FAT3: variants seen among roughly 807,000 people sequenced by gnomAD.
FAT3 encodes the protein FAT atypical cadherin 3, also known as protocadherin Fat 3.
A neutral mutation model predicts 310.2 loss-of-function variants in FAT3; 95 were observed. The ratio of observed to expected loss-of-function variants is 0.31; its 90% CI spans 0.26 to 0.36. The LOEUF is 0.36. FAT3 is among the 10% of genes least tolerant of loss of function. FAT3 has a pLI of 1.00. For missense variants in FAT3, 5,408 were observed against 5,715.6 expected, an observed-to-expected ratio of 0.95 and a Z score of 1.74; for synonymous variants, 2,314 against 2,192.9, an observed-to-expected ratio of 1.06 and a Z score of -1.54.
intron 3 of FAT3, among the ~76,000 whole-genome samples, chr11:92,681,764 T>C (rs554477572): frequency 1.6e-4 from 24 of 152,292 alleles, no homozygotes; most frequent in African/African-American, 5.8e-4. Flanking sequence ...GGATTGCTCC[T>C]ATAAGAGCTC....
chr11:92,677,869 T>G (rs1424764594), intron 3 of FAT3, among the ~76,000 whole-genome samples: 1 of 151,770 alleles, frequency 6.6e-6, no homozygotes, highest in Non-Finnish European at 1.5e-5. Flanking sequence ...ACAGTGGGAG[T>G]GGGCTCCAGC....
intron 19 of FAT3, among the ~76,000 whole-genome samples, chr11:92,852,098 T>C (rs1168276043): frequency 6.6e-6 from 1 of 152,198 alleles, no homozygotes; most frequent in Non-Finnish European, 1.5e-5. Flanking sequence ...AAGTGTTTCC[T>C]GGACCCAGAC....
At chr11:92,497,824 G>A (rs367774969) in intron 2 of FAT3, among the ~76,000 whole-genome samples, 9 of 152,118 alleles carry the variant, frequency 5.9e-5, no homozygotes, top group African/African-American at 2.2e-4. Context: ...ATGGAGCCTC[G>A]GATGAGGTGG....
intron 2 of FAT3, among the ~76,000 whole-genome samples, chr11:92,492,275 CCATCCATCCATCCATT>C (rs1423019350): frequency 4.0e-4 from 60 of 151,628 alleles, no homozygotes; most frequent in Admixed American, 7.2e-4. Flanking sequence ...ATCCATCCAT[CCATCCATCCATCCATT>C]CATCCATCCA....
intron 1 of FAT3, among the ~76,000 whole-genome samples, chr11:92,334,617 A>G (rs898787393): frequency 1.3e-5 from 2 of 152,004 alleles, no homozygotes; most frequent in African/African-American, 2.4e-5. Flanking sequence ...AATACTGTCA[A>G]CAAAGAAGTG....
intron 3 of FAT3, among the ~76,000 whole-genome samples, chr11:92,525,619 G>C (rs1192456554): frequency 1.3e-5 from 2 of 152,178 alleles, no homozygotes; most frequent in African/African-American, 4.8e-5. Flanking sequence ...GTTTTTTGCA[G>C]ATCTGAGAGG....
chr11:92,412,734 T>TATACATACAC (rs1555038579), intron 2 of FAT3, among the ~76,000 whole-genome samples: 1 of 11,882 alleles, frequency 8.4e-5, no homozygotes, highest in African/African-American at 1.7e-4. Context: ...TATATATATA[T>TATACATACAC]ATATATATAT....
chr11:92,403,418 T>C (rs1390824637), intron 2 of FAT3: 3 of 152,202 alleles, frequency 2.0e-5, no homozygotes, highest in Non-Finnish European at 4.4e-5. Context: ...CTTTGTAACA[T>C]TGAGAAGGCT....
intron 3 of FAT3, among the ~76,000 whole-genome samples, chr11:92,619,256 C>T (rs1396434433): frequency 6.6e-6 from 1 of 152,080 alleles, no homozygotes; most frequent in Non-Finnish European, 1.5e-5. Flanking sequence ...TTGTTGATAA[C>T]TTTTGCATAT....
At position 92,592,576 on chromosome 11, in the gene FAT3, T is replaced by A. The variant is rs1939492758; in HGVS notation, c.3607+67628T>A. On this transcript the variant is annotated intron_variant, in intron 3 of 27. Transcript: ENST00000525166. ...ACCTCATGATCTGCCTGGCTCGCCC[T>A]CCCAAAGTGCTGGGATTACAGGCGT... 2.0e-5 allele frequency among the ~76,000 whole-genome samples: 3 copies of A among 152,182 alleles called. No homozygotes were observed. In the South Asian group the frequency reaches 6.2e-4, roughly 32 times the overall value.
chr11:92,660,836 A>G (rs1942755397), intron 3 of FAT3, among the ~76,000 whole-genome samples: 1 of 152,180 alleles, frequency 6.6e-6, no homozygotes, highest in African/African-American at 2.4e-5. Flanking sequence ...GTCACTTAGA[A>G]TCTTCTCTAC....
intron 2 of FAT3, among the ~76,000 whole-genome samples, chr11:92,435,199 C>A (rs940062676): frequency 1.2e-4 from 18 of 152,276 alleles, no homozygotes; most frequent in African/African-American, 4.3e-4. Flanking sequence ...TCAGATGTTG[C>A]TCATAGACAA....
chr11:92,810,921 A>G (rs905554385), intron 13 of FAT3, among the ~76,000 whole-genome samples: 7 of 152,226 alleles, frequency 4.6e-5, no homozygotes, highest in African/African-American at 1.7e-4. Context: ...AGACCTTTAT[A>G]TAATTCAGTG....
At chr11:92,854,094 C>T (rs888432611) in intron 19 of FAT3, among the ~76,000 whole-genome samples, 2 of 152,192 alleles carry the variant, frequency 1.3e-5, no homozygotes, top group African/African-American at 4.8e-5. Context: ...GCTTCCCTCC[C>T]GTGCTCATCT....
At chr11:92,665,210 G>A (rs2135805683) in intron 3 of FAT3, among the ~76,000 whole-genome samples, 1 of 152,286 alleles carries the variant, frequency 6.6e-6, no homozygotes, top group East Asian at 1.9e-4. Context: ...ATGCACGTTG[G>A]CATTTGGTTT....
At chr11:92,454,448 G>A (rs185645732) in intron 2 of FAT3, among the ~76,000 whole-genome samples, 1 of 152,094 alleles carries the variant, frequency 6.6e-6, no homozygotes, top group Admixed American at 6.6e-5. Flanking sequence ...AAATCATTTG[G>A]TAAAAGACAT....
intron 3 of FAT3, among the ~76,000 whole-genome samples, chr11:92,598,237 T>A (rs1939822338): frequency 6.8e-6 from 1 of 147,666 alleles, no homozygotes; most frequent in African/African-American, 2.5e-5. Flanking sequence ...TATATTTTTT[T>A]TTTTTTTGAG....
intron 2 of FAT3, among the ~76,000 whole-genome samples, chr11:92,428,319 A>G (rs1950683824): frequency 6.6e-6 from 1 of 151,228 alleles, no homozygotes; most frequent in South Asian, 2.1e-4. Flanking sequence ...CTTTTCAAAA[A>G]AAAAAAAACA....
At chr11:92,464,195 T>C (rs1951705878) in intron 2 of FAT3, among the ~76,000 whole-genome samples, 1 of 152,168 alleles carries the variant, frequency 6.6e-6, no homozygotes, top group African/African-American at 2.4e-5. Flanking sequence ...GGAGGGATTG[T>C]CCTTTAACAT....
Sources: gnomAD v4.1 joint callset for allele counts (sites outside exome capture counted in the v4.1 genomes callset) on GRCh38, gnomAD v4.1.1 for gene constraint, MANE v1.5 for transcripts, NCBI Gene and HGNC (gene_info 2026-07-23, HGNC 2026-07-21) for gene names.